MLANA: variants seen among roughly 807,000 people sequenced by gnomAD.
The protein encoded by MLANA is melanoma antigen recognized by T-cells 1.
A neutral mutation model predicts 15.7 loss-of-function variants in MLANA; 21 were observed. The ratio of observed to expected loss-of-function variants is 1.33; its 90% CI spans 0.95 to 1.92. The LOEUF is 1.92. Ranked by LOEUF, MLANA falls within the 40% of genes most tolerant of loss-of-function variation. MLANA has a pLI of 0.00. For synonymous variants in MLANA, 56 were observed against 51.5 expected (o/e 1.09, Z -0.37); for missense variants, 164 against 143.8 (o/e 1.14, Z -0.72).
At position 5,910,467 on chromosome 9, in the gene MLANA, A is replaced by T. The variant is rs1833098209; in HGVS notation, c.*1759A>T. 6.6e-6 allele frequency: 1 copy of T among 152,220 alleles called. No individual in the cohort carries two copies. Among genetic ancestry groups the T allele is most frequent in the South Asian group, 2.1e-4 (1 of 4,836 alleles). 9.4% of individuals were successfully genotyped at this position (152,220 alleles called of 1,614,324 possible). A position where few individuals can be genotyped will look rare whatever the true frequency, so the allele number is the denominator to read the frequency against. Reference sequence around the variant, plus strand: ...TCCACCTCTCCCACTTCAAACAAATAAATGAATTCTAAACCAAAGAAACTT... The same window carrying T: ...TCCACCTCTCCCACTTCAAACAAATTAATGAATTCTAAACCAAAGAAACTT... On this transcript the variant is annotated 3_prime_UTR_variant, in exon 5 of 5. Coordinates refer to ENST00000381477, the MANE Select transcript of MLANA (RefSeq NM_005511.2).
Position 5,897,570 on chromosome 9 carries a change from G to A in MLANA, c.91G>A (p.Gly31Ser), listed in dbSNP as rs144416743. Residue 31 changes from glycine to serine, a missense_variant, in exon 3 of 5, where the codon GGC becomes AGC. Gly to Ser is a moderately conservative substitution (Grantham distance 56). Transcript: ENST00000381477. ...YTTAEEAAGI[G>S]ILTVILGVLL... Reference sequence around the variant, plus strand: ...CTCTTGGGCCAGGGCCGCTGGGATCGGCATCCTGACAGTGATCCTGGGAGT... The same window carrying A: ...CTCTTGGGCCAGGGCCGCTGGGATCAGCATCCTGACAGTGATCCTGGGAGT... 3.8e-5 allele frequency: 62 copies of A among 1,613,994 alleles called. No homozygotes were observed. Among genetic ancestry groups the A allele is most frequent in the Non-Finnish European group, 4.9e-5 (58 of 1,179,946 alleles).
chr9:5,905,499 T>TA (rs201452137), intron 3 of MLANA, among the ~76,000 whole-genome samples: 19 of 152,164 alleles, frequency 1.2e-4, no homozygotes, highest in Admixed American at 2.0e-4. Context: ...CTTCAAACCA[T>TA]AAAAAAATTT....
chr9:5,904,611 T>G (rs1832677854), intron 3 of MLANA, among the ~76,000 whole-genome samples: 1 of 152,046 alleles, frequency 6.6e-6, no homozygotes, highest in South Asian at 2.1e-4. Flanking sequence ...TAGCTGAGAT[T>G]AAAGGTGCAT....
In MLANA at chr9:5,892,535, T is replaced by G. The variant is rs937835767; in HGVS notation, c.61T>G (p.Tyr21Asp). The change falls in exon 2 of 5, where the codon TAC (tyrosine) becomes GAC (aspartate). Residue 21 changes from tyrosine (Y) to aspartate (D), a missense_variant. Tyr to Asp is a radical substitution (Grantham distance 160). Coordinates refer to ENST00000381477, the MANE Select transcript of MLANA (RefSeq NM_005511.2). ...CCCCAAGAAGGGGCACGGCCACTCTTACACCACGGCTGAAGAGTAAGTTCA... is the reference window on the plus strand; with the variant it reads ...CCCCAAGAAGGGGCACGGCCACTCTGACACCACGGCTGAAGAGTAAGTTCA... ...GYPKKGHGHS[Y>D]TTAEEAAGIG... 1.9e-6 allele frequency: 3 copies of G among 1,613,278 alleles called. No individual in the cohort carries two copies. Among genetic ancestry groups the G allele is most frequent in the Admixed American group, 1.7e-5 (1 of 59,860 alleles).
intron 3 of MLANA, among the ~76,000 whole-genome samples, chr9:5,905,196 A>G (rs1292951191): frequency 2.6e-5 from 4 of 152,224 alleles, no homozygotes; most frequent in Admixed American, 6.5e-5. Context: ...GTATCTTAAA[A>G]TAATCCTAAT....
At chr9:5,899,134 C>T (rs912721409) in intron 3 of MLANA, 3 of 152,166 alleles carry the variant, frequency 2.0e-5, no homozygotes, top group African/African-American at 7.2e-5. Context: ...GTCTCTCTTT[C>T]TTGTTATTAC....
At chr9:5,906,860 T>C (rs1832847355) in intron 3 of MLANA, 25 bp from the exon 4 acceptor site, 1 of 1,437,196 alleles carries the variant, frequency 7.0e-7, no homozygotes, top group African/African-American at 1.5e-5. Context: ...TCTCACCCAC[T>C]CACCTTTATC....
chr9:5,903,617 G>C (rs546852732), intron 3 of MLANA, among the ~76,000 whole-genome samples: 29 of 152,110 alleles, frequency 1.9e-4, no homozygotes, highest in Non-Finnish European at 4.1e-4. Context: ...CAACTTCATA[G>C]TGGATGCAAC....
chr9:5,901,701 C>T lies in MLANA; in HGVS notation c.174+4048C>T, dbSNP rs541045122. 5.3e-5 allele frequency among the ~76,000 whole-genome samples: 8 copies of T among 150,608 alleles called. No individual in the cohort carries two copies. In the South Asian group the frequency reaches 1.7e-3, roughly 32 times the overall value. On this transcript the variant is annotated intron_variant, in intron 3 of 4. Transcript: ENST00000381477. ...GCCTGGCTAAATTTTTTTGTATTTT[C>T]GGTAGAGATGGGGTTTCACCATGTT...
Position 5,894,950 on chromosome 9 carries a change from C to CACA in MLANA, c.77+2401_77+2403dup, listed in dbSNP as rs946746074. Among the ~76,000 whole-genome samples, 5 of 152,186 alleles carry CACA rather than the reference C, an allele frequency of 3.3e-5. No individual in the cohort carries two copies. Among genetic ancestry groups the CACA allele is most frequent in the Admixed American group, 6.5e-5 (1 of 15,284 alleles). ...TGTGAAGGAACCCCTTGACTGAAGG[C>CACA]ACAAGCTTTCTGTGTCTTGCAACCT... On this transcript the variant is annotated intron_variant, in intron 2 of 4. Transcript: ENST00000381477. The surrounding 1 kb of genome is among the most constrained non-coding windows in gnomAD (Gnocchi z 4.0).
In MLANA at chr9:5,906,963, A is replaced by T. The variant is rs199913712; in HGVS notation, c.253A>T (p.Lys85Ter). 6.2e-7 allele frequency: 1 copy of T among 1,600,114 alleles called. No homozygotes were observed. Among genetic ancestry groups the T allele is most frequent in the South Asian group, 1.1e-5 (1 of 88,790 alleles). ...PQEGFDHRDS[K>*]VSLQEKNCEP... Reference sequence around the variant, plus strand: ...AGAAGGGTTTGATCATCGGGACAGCAAAGTGTCTCTTCAAGAGAAAAACTG... The same window carrying T: ...AGAAGGGTTTGATCATCGGGACAGCTAAGTGTCTCTTCAAGAGAAAAACTG... Residue 85 changes from lysine to a stop codon, truncating the protein, a stop_gained, in exon 4 of 5, where the codon AAA becomes TAA. Coordinates refer to ENST00000381477, the MANE Select transcript of MLANA (RefSeq NM_005511.2). LOFTEE classifies it high-confidence loss of function.
chr9:5,908,620 T>C lies in MLANA; in HGVS notation c.289-20T>C. The C allele has an allele frequency of 6.2e-7, 1 of 1,609,366 alleles. No homozygotes were observed. Among genetic ancestry groups the C allele is most frequent in the East Asian group, 2.2e-5 (1 of 44,840 alleles). ...ATACACTGTTGCCAAGCCCATATTC[T>C]CCCTTTCTTGTTCTCACAGGTTCCC... On this transcript the variant is annotated intron_variant, in intron 4 of 4. Transcript: ENST00000381477.
intron 3 of MLANA, chr9:5,899,282 G>A (rs1832257994): frequency 6.6e-6 from 1 of 152,218 alleles, no homozygotes; most frequent in Admixed American, 6.5e-5. Context: ...GGTTGGTGTG[G>A]GGTGGGGATT....
Position 5,897,666 on chromosome 9 carries a change from C to T in MLANA, c.174+13C>T. ...CAGAGCCTTGATGGTTGGTAAAGTT[C>T]CCACTGCTGAAATCCCTCCAAGTCC... is the stretch of plus-strand genomic sequence containing the variant. On this transcript the variant is annotated intron_variant, in intron 3 of 4. Transcript: ENST00000381477. 6.2e-7 allele frequency: 1 copy of T among 1,605,060 alleles called. No individual in the cohort carries two copies. The highest frequency in any genetic ancestry group is 8.5e-7 in the Non-Finnish European group (1 of 1,171,788).
At chr9:5,905,740 T>C (rs865918682) in intron 3 of MLANA, among the ~76,000 whole-genome samples, 1 of 152,238 alleles carries the variant, frequency 6.6e-6, no homozygotes, top group South Asian at 2.1e-4. Flanking sequence ...TGACCCAATG[T>C]ATACCTTCCG....
intron 2 of MLANA, among the ~76,000 whole-genome samples, chr9:5,893,453 T>C (rs894825275): frequency 1.3e-5 from 2 of 152,178 alleles, no homozygotes; most frequent in Non-Finnish European, 2.9e-5. Flanking sequence ...CAGCAAGATG[T>C]AAAGCCCAAC....
chr9:5,898,340 A>C (rs978868889), intron 3 of MLANA, among the ~76,000 whole-genome samples: 2 of 152,336 alleles, frequency 1.3e-5, no homozygotes, highest in Middle Eastern at 3.4e-3. Flanking sequence ...AACACTCCAC[A>C]TATGGCCCAA....
rs1047930372 is a variant in MLANA, at chr9:5,893,561, G to C, written c.77+1010G>C. On this transcript the variant is annotated intron_variant, in intron 2 of 4. Coordinates refer to ENST00000381477, the MANE Select transcript of MLANA (RefSeq NM_005511.2). ...CTGGCCAATTGGAGATGAGGGCGGC[G>C]GTATCTTCTCAGAAAATGTCCTGAC... Among the ~76,000 whole-genome samples the C allele has an allele frequency of 5.9e-5, 9 of 152,170 alleles. No individual in the cohort carries two copies. The East Asian group carries it at 1.4e-3, about 23-fold the overall frequency.
At chr9:5,891,238 C>G (rs1241812533) in intron 1 of MLANA, 1 of 152,200 alleles carries the variant, frequency 6.6e-6, no homozygotes, top group Non-Finnish European at 1.5e-5. Context: ...ACCACTTCTC[C>G]TGGTCTGAGT....
Sources: gnomAD v4.1 joint callset for allele counts (sites outside exome capture counted in the v4.1 genomes callset) on GRCh38, gnomAD v4.1.1 for gene constraint, Gnocchi (gnomAD v3.1) non-coding constraint, MANE v1.5 for transcripts, NCBI Gene and HGNC (gene_info 2026-07-23, HGNC 2026-07-21) for gene names.